Variants in RAB40C observed in about 807,000 individuals in gnomAD.
RAB40C encodes the protein RAB40C, member RAS oncogene family.
RAB40C carries 8 observed loss-of-function variants against 28.1 expected under a neutral mutation model. That is an observed-to-expected ratio of 0.28 (90% CI 0.17 to 0.51). RAB40C has a LOEUF of 0.51. Ranked by LOEUF, RAB40C falls within the 20% of genes least tolerant of loss-of-function variation. The pLI is 0.97. For missense variants in RAB40C, 288 were observed against 405.9 expected (o/e 0.71, Z 2.50); for synonymous variants, 201 against 171.7 (o/e 1.17, Z -1.34).
At chr16:590,012 G>A (rs1254013015), upstream of RAB40C, 1 of 139,980 alleles carries the variant, frequency 7.1e-6, no homozygotes, top group Admixed American at 7.3e-5. Context: ...GGGCCAATGG[G>A]CTCGGGAGGG....
rs1178206059 is a variant in RAB40C at position 627,383 on chromosome 16, T to G, written c.607T>G (p.Cys203Gly). ...QDLCCRAIVS[C>G]TPVHLIDKLP... ...CCTCTGCTGCCGGGCCATCGTCTCC[T>G]GCACCCCCGTGCACCTCATCGACAA... is the stretch of plus-strand genomic sequence containing the variant. Residue 203 changes from cysteine (C) to glycine (G), a missense_variant, in exon 6 of 6, where the codon TGC becomes GGC. This residue lies in a region of RAB40C where 153 missense variants were observed against 262.4 expected (regional missense o/e 0.58). Coordinates refer to ENST00000248139, the MANE Select transcript of RAB40C (RefSeq NM_021168.5). The G allele has an allele frequency of 4.3e-6, 7 of 1,613,790 alleles. No individual in the cohort carries two copies. The highest frequency in any genetic ancestry group is 5.9e-6 in the Non-Finnish European group (7 of 1,179,978).
At chr16:616,333 T>TTTTATTTATTTATTTA (rs57235517) in intron 1 of RAB40C, among the ~76,000 whole-genome samples, 16,018 of 141,508 alleles carry the variant, frequency 0.11, 1,115 homozygotes, top group South Asian at 0.19. Context: ...AGAAGCAGCA[T>TTTTATTTATTTATTTA]TTTATTTATT....
chr16:596,748 T>C (rs1014152562), intron 1 of RAB40C, among the ~76,000 whole-genome samples: 2 of 152,094 alleles, frequency 1.3e-5, no homozygotes, highest in Non-Finnish European at 2.9e-5. Context: ...GCCAAGACCA[T>C]GGGCTGTGGG....
intron 1 of RAB40C, among the ~76,000 whole-genome samples, chr16:604,647 C>A (rs1407818297): frequency 1.3e-5 from 2 of 152,166 alleles, no homozygotes; most frequent in Non-Finnish European, 2.9e-5. Context: ...GAAGGTGTTT[C>A]TGTTCCCTTA....
At chr16:598,286 G>A (rs1172806580) in intron 1 of RAB40C, among the ~76,000 whole-genome samples, 1 of 151,802 alleles carries the variant, frequency 6.6e-6, no homozygotes, top group African/African-American at 2.4e-5. Flanking sequence ...GCTGAGGTAC[G>A]AGAATGGCGT....
intron 5 of RAB40C, among the ~76,000 whole-genome samples, chr16:626,899 C>T (rs576528755): frequency 4.5e-4 from 69 of 152,356 alleles, no homozygotes; most frequent in African/African-American, 1.5e-3. Flanking sequence ...GATCGTGCCA[C>T]GGCACTCCAG....
chr16:601,815 T>TAAAAAAAAAAAAAAAAA (rs60094426), intron 1 of RAB40C, among the ~76,000 whole-genome samples: 1 of 27,198 alleles, frequency 3.7e-5, no homozygotes, highest in Non-Finnish European at 7.1e-5. Flanking sequence ...CAAAAAAAAG[T>TAAAAAAAAAAAAAAAAA]AAAAAAAAAA....
At chr16:592,753 A>G (rs2036029591) in intron 1 of RAB40C, among the ~76,000 whole-genome samples, 1 of 152,240 alleles carries the variant, frequency 6.6e-6, no homozygotes, top group African/African-American at 2.4e-5. Flanking sequence ...TTCCCAGGAC[A>G]TGAAGGCGTG....
intron 1 of RAB40C, among the ~76,000 whole-genome samples, chr16:611,170 C>T (rs1461409054): frequency 2.6e-5 from 4 of 152,162 alleles, no homozygotes. Context: ...CTCTAGAGGC[C>T]CCGGCTCTGT....
chr16:594,717 C>T (rs2036074240), intron 1 of RAB40C, among the ~76,000 whole-genome samples: 2 of 151,758 alleles, frequency 1.3e-5, no homozygotes, highest in South Asian at 2.1e-4. Flanking sequence ...GACAGCCGTG[C>T]GTGGCTTCCC....
chr16:622,417 C>T (rs761686867), intron 3 of RAB40C, among the ~76,000 whole-genome samples: 2 of 152,220 alleles, frequency 1.3e-5, no homozygotes, highest in Non-Finnish European at 2.9e-5. Flanking sequence ...CGTCTGTAGA[C>T]GCTGAGGAAA....
chr16:590,638 C>T (rs1012063093), intron 1 of RAB40C, among the ~76,000 whole-genome samples: 1 of 152,212 alleles, frequency 6.6e-6, no homozygotes, highest in African/African-American at 2.4e-5. Flanking sequence ...GGAGGACGGA[C>T]CAGAGGGACG....
chr16:610,699 G>T lies in RAB40C; in HGVS notation c.143-6509G>T, dbSNP rs567201893. On this transcript the variant is annotated intron_variant, in intron 1 of 5. Transcript: ENST00000248139. The surrounding 1 kb of genome is among the most constrained non-coding windows in gnomAD (Gnocchi z 4.6). ...CAGCGCGGGCTCCAGGCCTCTCCTG[G>T]GTCACTGCTCTGTGCCTCCAGGAGC... Among the ~76,000 whole-genome samples, 1 of 152,042 alleles carries T rather than the reference G, an allele frequency of 6.6e-6. No individual in the cohort carries two copies. Among genetic ancestry groups the T allele is most frequent in the South Asian group, 2.1e-4 (1 of 4,806 alleles).
intron 3 of RAB40C, among the ~76,000 whole-genome samples, chr16:622,407 C>T (rs1007170878): frequency 2.1e-5 from 3 of 143,684 alleles, no homozygotes; most frequent in South Asian, 4.1e-4. Context: ...ACCGTGGACA[C>T]GTCTGTAGAC....
intron 3 of RAB40C, chr16:625,106 G>C (rs527473349): frequency 7.6e-7 from 1 of 1,319,084 alleles, no homozygotes; most frequent in East Asian, 4.9e-5. Flanking sequence ...TTCCACAGCT[G>C]CACGTCCCCC....
intron 1 of RAB40C, among the ~76,000 whole-genome samples, chr16:593,643 A>T (rs1363615751): frequency 6.6e-6 from 1 of 152,200 alleles, no homozygotes. Flanking sequence ...TTCACAAACA[A>T]ATGAGTCATC....
intron 1 of RAB40C, among the ~76,000 whole-genome samples, chr16:608,159 TAC>T (rs1189910820): frequency 1.3e-5 from 2 of 152,318 alleles, no homozygotes; most frequent in South Asian, 2.1e-4. Context: ...TCAGGAAATT[TAC>T]AGTCATGGCG....
chr16:599,274 C>T (rs531637659), intron 1 of RAB40C, among the ~76,000 whole-genome samples: 1 of 152,386 alleles, frequency 6.6e-6, no homozygotes, highest in Admixed American at 6.5e-5. Flanking sequence ...CGAGGGGTGT[C>T]TGTGTCCTCA....
intron 1 of RAB40C, 99 bp from the exon 2 acceptor site, chr16:617,109 C>T (rs954155472): frequency 1.7e-5 from 21 of 1,255,144 alleles, no homozygotes; most frequent in African/African-American, 1.0e-4. Context: ...TCCACTTCCG[C>T]GTGGGTCTTG....
Sources: allele counts gnomAD v4.1 joint callset (sites outside exome capture counted in the v4.1 genomes callset), GRCh38; gene constraint gnomAD v4.1.1; regional missense constraint gnomAD v4.1.1; non-coding constraint Gnocchi (gnomAD v3.1); transcripts MANE v1.5; gene names NCBI Gene and HGNC (gene_info 2026-07-23, HGNC 2026-07-21).